Variants in RAB11FIP3 observed in about 807,000 individuals in gnomAD.
The protein encoded by RAB11FIP3 is rab11 family-interacting protein 3.
In RAB11FIP3, 17 loss-of-function variants were observed where a neutral mutation model predicts 77.8. The observed-to-expected ratio is 0.22, with a 90% CI of 0.15 to 0.33. RAB11FIP3 has a LOEUF of 0.33. Among genes scored for constraint, RAB11FIP3 ranks in the 10% least tolerant of loss-of-function variants. The pLI, the probability that RAB11FIP3 is intolerant of heterozygous loss-of-function variation, is 1.00. For missense variants in RAB11FIP3, 1,005 were observed against 1,011.2 expected (o/e 0.99, Z 0.08); for synonymous variants, 437 against 448.2 (o/e 0.98, Z 0.31).
At chr16:517,957 C>A (rs1327322009) in intron 9 of RAB11FIP3, among the ~76,000 whole-genome samples, 1 of 151,938 alleles carries the variant, frequency 6.6e-6, no homozygotes, top group South Asian at 2.1e-4. Context: ...TGGCAGTCGC[C>A]TGTAGTCCCA....
chr16:426,047 C>T lies in RAB11FIP3; in HGVS notation c.41C>T (p.Pro14Leu), dbSNP rs2141829219. ...APPASPPGSE[P>L]PGPDPEPGGP... The stretch of plus-strand genomic sequence containing the variant: ...CCGGCCTCGCCCCCGGGCTCGGAGC[C>T]GCCGGGGCCCGACCCGGAGCCGGGC... Residue 14 changes from proline (P) to leucine (L), a missense_variant, in exon 1 of 14, where the codon CCG becomes CTG. Around this residue, in one of 4 missense-constraint regions of RAB11FIP3, gnomAD observed 466 missense variants for 408.3 expected, o/e 1.14. Coordinates refer to ENST00000262305, the MANE Select transcript of RAB11FIP3 (RefSeq NM_014700.4). This position sits in a 1 kb window ranked among gnomAD's most constrained non-coding sequence, Gnocchi z 5.0. 1.0e-6 allele frequency: 1 copy of T among 997,894 alleles called. No homozygotes were observed. The highest frequency in any genetic ancestry group is 1.2e-6 in the Non-Finnish European group (1 of 839,864). 61.8% of individuals were successfully genotyped at this position (997,894 alleles called of 1,614,324 possible).
At chr16:509,511 G>A (rs570421758) in intron 8 of RAB11FIP3, among the ~76,000 whole-genome samples, 2 of 152,398 alleles carry the variant, frequency 1.3e-5, no homozygotes, top group East Asian at 1.9e-4. Context: ...GCCAGAGGGC[G>A]TGGGCTGTGC....
intron 1 of RAB11FIP3, among the ~76,000 whole-genome samples, chr16:440,127 G>A (rs2055200704): frequency 6.6e-6 from 1 of 152,056 alleles, no homozygotes; most frequent in African/African-American, 2.4e-5. Context: ...ACAGGCGTGA[G>A]CCACCGCGCC....
chr16:438,977 G>A (rs991286825), intron 1 of RAB11FIP3, among the ~76,000 whole-genome samples: 11 of 152,138 alleles, frequency 7.2e-5, no homozygotes, highest in Non-Finnish European at 8.8e-5. Context: ...GTGAACCGCC[G>A]CGCCCGGCTA....
At chr16:458,604 G>A (rs8063576) in intron 1 of RAB11FIP3, among the ~76,000 whole-genome samples, 2,894 of 80,548 alleles carry the variant, frequency 0.036, 93 homozygotes, top group Middle Eastern at 0.06. Context: ...GGCCTTCCTC[G>A]GGTTCACCGA....
chr16:519,728 T>A, intron 10 of RAB11FIP3, 26 bp from the exon 11 acceptor site: 1 of 1,609,130 alleles, frequency 6.2e-7, no homozygotes, highest in Middle Eastern at 1.7e-4. Flanking sequence ...GTGACCCGCA[T>A]CCAGGGCAGG....
chr16:480,815 A>T lies in RAB11FIP3; in HGVS notation c.904-1710A>T, dbSNP rs1290715032. On this transcript the variant is annotated intron_variant, in intron 3 of 13. Coordinates refer to ENST00000262305, the MANE Select transcript of RAB11FIP3 (RefSeq NM_014700.4). ...GCCCGGCCTGTATTTATTTATTTTA[A>T]TTTTTTTTTTTTCAGACAGAGTTTT... 3.4e-4 allele frequency among the ~76,000 whole-genome samples: 20 copies of T among 58,966 alleles called. 2 individuals carry two copies. The highest frequency in any genetic ancestry group is 6.6e-4 in the African/African-American group (17 of 25,834). The allele number at this position is 58,966 out of a possible 152,430, so 38.7% of individuals were successfully genotyped here.
chr16:517,063 G>A lies in RAB11FIP3; in HGVS notation c.1641-1880G>A, dbSNP rs967461006. 3.9e-5 allele frequency among the ~76,000 whole-genome samples: 6 copies of A among 152,164 alleles called. No homozygotes were observed. In the East Asian group the frequency reaches 5.8e-4, roughly 15 times the overall value. The stretch of plus-strand genomic sequence containing the variant: ...CAGGTGATCAGAAAGCCGTGCGGAC[G>A]TCAGGACCCTGATACGGTGTGACGG... On this transcript the variant is annotated intron_variant, in intron 9 of 13. Coordinates refer to ENST00000262305, the MANE Select transcript of RAB11FIP3 (RefSeq NM_014700.4).
intron 4 of RAB11FIP3, among the ~76,000 whole-genome samples, chr16:483,560 C>T (rs2056089144): frequency 6.6e-6 from 1 of 152,144 alleles, no homozygotes. Context: ...GAAAGAAATC[C>T]GAGTATTTTA....
At chr16:468,669 G>A (rs1399351847) in intron 2 of RAB11FIP3, among the ~76,000 whole-genome samples, 1 of 152,106 alleles carries the variant, frequency 6.6e-6, no homozygotes, top group Non-Finnish European at 1.5e-5. Flanking sequence ...ACAGCCACAG[G>A]CCTTGTTTCA....
intron 10 of RAB11FIP3, 189 bp downstream of exon 10, chr16:519,213 G>A: frequency 3.2e-6 from 2 of 618,484 alleles, no homozygotes; most frequent in Non-Finnish European, 5.7e-6. Flanking sequence ...GCAGGGCCCA[G>A]AGGCTCACTC....
At chr16:470,289 C>T (rs1020911456) in intron 2 of RAB11FIP3, among the ~76,000 whole-genome samples, 4 of 151,950 alleles carry the variant, frequency 2.6e-5, no homozygotes, top group Admixed American at 2.0e-4. Flanking sequence ...TGAGCCACTG[C>T]ACCCGACCTA....
At chr16:452,163 GAAAC>G (rs917623567) in intron 1 of RAB11FIP3, among the ~76,000 whole-genome samples, 85 of 150,862 alleles carry the variant, frequency 5.6e-4, no homozygotes, top group South Asian at 6.3e-4. Context: ...AAATAAAAAG[GAAAC>G]AAACAAACAA....
At chr16:434,107 A>G (rs187565123) in intron 1 of RAB11FIP3, among the ~76,000 whole-genome samples, 2 of 152,046 alleles carry the variant, frequency 1.3e-5, no homozygotes, top group East Asian at 1.9e-4. Context: ...TATCAGATGT[A>G]TATTTATTTA....
chr16:448,808 G>T (rs1452005057), intron 1 of RAB11FIP3, among the ~76,000 whole-genome samples: 1 of 151,688 alleles, frequency 6.6e-6, no homozygotes, highest in Non-Finnish European at 1.5e-5. Context: ...CCAGCTACTC[G>T]GGAGGCTGAA....
At chr16:465,747 C>A (rs2055691535) in intron 2 of RAB11FIP3, among the ~76,000 whole-genome samples, 1 of 152,248 alleles carries the variant, frequency 6.6e-6, no homozygotes, top group Non-Finnish European at 1.5e-5. Context: ...GTAGCTGAGA[C>A]CACAGGCTCG....
intron 4 of RAB11FIP3, 126 bp downstream of exon 4, chr16:482,862 G>C: frequency 1.9e-6 from 2 of 1,042,040 alleles, no homozygotes; most frequent in South Asian, 1.6e-5. Context: ...TGGGGGTGGG[G>C]CTTGGCCCTG....
intron 1 of RAB11FIP3, among the ~76,000 whole-genome samples, chr16:441,232 A>G (rs1414245060): frequency 2.0e-5 from 3 of 152,214 alleles, no homozygotes; most frequent in African/African-American, 4.8e-5. Context: ...CACCGTCGCC[A>G]TCGCGCCTGG....
At chr16:473,735 C>A (rs1437240375) in intron 3 of RAB11FIP3, among the ~76,000 whole-genome samples, 2 of 152,096 alleles carry the variant, frequency 1.3e-5, no homozygotes, top group Non-Finnish European at 2.9e-5. Context: ...CCACCGCACC[C>A]AGCCTGATAT....
Sources: gnomAD v4.1 joint callset for allele counts (sites outside exome capture counted in the v4.1 genomes callset) on GRCh38, gnomAD v4.1.1 for gene constraint, gnomAD v4.1.1 regional missense constraint, Gnocchi (gnomAD v3.1) non-coding constraint, MANE v1.5 for transcripts, NCBI Gene and HGNC (gene_info 2026-07-23, HGNC 2026-07-21) for gene names.